Variants in NRG1 observed in about 807,000 individuals in gnomAD.
NRG1 encodes pro-neuregulin-1, membrane-bound isoform.
NRG1 carries 18 observed loss-of-function variants against 63.8 expected under a neutral mutation model. That is an observed-to-expected ratio of 0.28 (90% CI 0.19 to 0.42). The LOEUF is 0.42. Among genes scored for constraint, NRG1 ranks in the 10% least tolerant of loss-of-function variants. The probability of loss-of-function intolerance (pLI) is 1.00; values close to 1 mark genes in which losing one functional copy is unlikely to be tolerated. For synonymous variants in NRG1, 302 were observed against 301.3 expected (o/e 1.00, Z -0.02); for missense variants, 762 against 814.7 (o/e 0.94, Z 0.79).
chr8:31,680,640 C>A (rs1303958737), intron 1 of NRG1, among the ~76,000 whole-genome samples: 16 of 150,754 alleles, frequency 1.1e-4, no homozygotes, highest in Non-Finnish European at 3.0e-5. Context: ...ATTTATAGTC[C>A]TTTGGGTATA....
At chr8:31,988,709 C>T (rs1310579878) in intron 1 of NRG1, among the ~76,000 whole-genome samples, 1 of 152,074 alleles carries the variant, frequency 6.6e-6, no homozygotes, top group Admixed American at 6.5e-5. Context: ...GATATGGCAG[C>T]TGCAGTGAGG....
chr8:32,211,900 GC>G (rs1475250043), intron 1 of NRG1, among the ~76,000 whole-genome samples: 1 of 152,036 alleles, frequency 6.6e-6, no homozygotes, highest in East Asian at 1.9e-4. Context: ...TTCTCCTAGA[GC>G]TTTTGTGAAC....
chr8:32,701,470 G>C (rs1463842125), intron 5 of NRG1, among the ~76,000 whole-genome samples: 1 of 152,104 alleles, frequency 6.6e-6, no homozygotes, highest in Non-Finnish European at 1.5e-5. Context: ...CAGTGATAGA[G>C]GGGCGTAAAG....
chr8:31,774,436 C>A (rs1159989624), intron 1 of NRG1, among the ~76,000 whole-genome samples: 1 of 152,074 alleles, frequency 6.6e-6, no homozygotes, highest in African/African-American at 2.4e-5. Flanking sequence ...GTGACATTGT[C>A]TTTTTCATAC....
chr8:32,743,573 C>CATATATATATATAT (rs71879821), intron 7 of NRG1, among the ~76,000 whole-genome samples: 17,430 of 113,066 alleles, frequency 0.15, 1,608 homozygotes, highest in East Asian at 0.25. Flanking sequence ...TAAGGCAAAA[C>CATATATATATATAT]ATATATATAT....
At chr8:32,273,021 T>C (rs1851711169) in intron 1 of NRG1, among the ~76,000 whole-genome samples, 1 of 152,168 alleles carries the variant, frequency 6.6e-6, no homozygotes, top group Non-Finnish European at 1.5e-5. Context: ...GAGTCCAGAA[T>C]TAGTTGGCTG....
rs764368606 is a variant in NRG1 at position 32,057,807 on chromosome 8, TG to T, written c.37+418378del. On this transcript the variant is annotated intron_variant, in intron 1 of 10. Coordinates refer to the NRG1 transcript ENST00000519301. ...TAGTGAAGTGAGCAAAATATCTTTA[TG>T]GTTCCTGACCTTGTCCTCCTGGGCT... Among the ~76,000 whole-genome samples, 5 of 152,296 alleles carry T rather than the reference TG, an allele frequency of 3.3e-5. No individual in the cohort carries two copies. In the East Asian group the frequency reaches 9.7e-4, roughly 29 times the overall value.
intron 1 of NRG1, among the ~76,000 whole-genome samples, chr8:32,089,975 A>T (rs933305042): frequency 6.6e-6 from 1 of 151,958 alleles, no homozygotes; most frequent in African/African-American, 2.4e-5. Context: ...GTGAAACAGA[A>T]CTCCTTTATT....
chr8:31,673,922 C>T (rs546934733), intron 1 of NRG1, among the ~76,000 whole-genome samples: 1 of 152,078 alleles, frequency 6.6e-6, no homozygotes, highest in East Asian at 1.9e-4. Context: ...AGAACATTTC[C>T]ATCATCCCCC....
chr8:32,048,442 C>CATATAT (rs746098368), intron 1 of NRG1, among the ~76,000 whole-genome samples: 8 of 134,852 alleles, frequency 5.9e-5, no homozygotes, highest in East Asian at 2.1e-4. Flanking sequence ...CACATATATA[C>CATATAT]ATACATATAT....
chr8:31,763,737 T>G (rs959640838), intron 1 of NRG1, among the ~76,000 whole-genome samples: 1 of 152,128 alleles, frequency 6.6e-6, no homozygotes, highest in African/African-American at 2.4e-5. Flanking sequence ...GATCACGAGG[T>G]CAGGAGATCG....
chr8:31,683,356 A>T (rs1808535426), intron 1 of NRG1, among the ~76,000 whole-genome samples: 1 of 152,218 alleles, frequency 6.6e-6, no homozygotes, highest in Non-Finnish European at 1.5e-5. Flanking sequence ...AATACTATTC[A>T]GTGCTATCAG....
chr8:32,209,776 TCTTA>T (rs1477256212), intron 1 of NRG1, among the ~76,000 whole-genome samples: 1 of 147,884 alleles, frequency 6.8e-6, no homozygotes, highest in African/African-American at 2.6e-5. Context: ...CTTCCTTCCT[TCTTA>T]CTTTCTTTCT....
At chr8:32,478,082 G>C (rs1025463472) in intron 1 of NRG1, among the ~76,000 whole-genome samples, 1 of 152,216 alleles carries the variant, frequency 6.6e-6, no homozygotes, top group African/African-American at 2.4e-5. Context: ...ATCTTTTTGA[G>C]TGAGTGTTGC....
intron 1 of NRG1, among the ~76,000 whole-genome samples, chr8:32,181,708 A>G (rs953493287): frequency 4.6e-5 from 7 of 152,238 alleles, no homozygotes; most frequent in Middle Eastern, 3.2e-3. Flanking sequence ...AGTCACAGCT[A>G]TTGATTTATA....
intron 1 of NRG1, among the ~76,000 whole-genome samples, chr8:32,012,138 C>G (rs529707512): frequency 2.0e-5 from 3 of 152,188 alleles, no homozygotes; most frequent in South Asian, 4.1e-4. Context: ...TGGAAGCAAG[C>G]AAACCCCTCT....
intron 1 of NRG1, among the ~76,000 whole-genome samples, chr8:31,692,229 G>C (rs1476864508): frequency 6.6e-6 from 1 of 152,158 alleles, no homozygotes; most frequent in Non-Finnish European, 1.5e-5. Context: ...TTCATAATGA[G>C]TCATAGAAGA....
At chr8:32,543,895 C>G (rs1832803169), upstream of NRG1, among the ~76,000 whole-genome samples, 1 of 152,072 alleles carries the variant, frequency 6.6e-6, no homozygotes, top group Admixed American at 6.6e-5. Flanking sequence ...TCTTGCTGGT[C>G]AGAAGTGCTT....
intron 1 of NRG1, among the ~76,000 whole-genome samples, chr8:32,354,440 T>C (rs893365765): frequency 6.6e-6 from 1 of 152,108 alleles, no homozygotes; most frequent in Non-Finnish European, 1.5e-5. Context: ...CTAATCTATA[T>C]AAAAATTTTT....
Sources: allele counts gnomAD v4.1 joint callset (sites outside exome capture counted in the v4.1 genomes callset), GRCh38; gene constraint gnomAD v4.1.1; transcripts MANE v1.5; gene names NCBI Gene and HGNC (gene_info 2026-07-23, HGNC 2026-07-21).